The following ZFYVE1 variants were observed in gnomAD, a reference collection of about 807,000 sequenced individuals.
ZFYVE1 encodes the protein zinc finger FYVE domain-containing protein 1.
ZFYVE1 carries 30 observed loss-of-function variants against 74.4 expected under a neutral mutation model. The ratio of observed to expected loss-of-function variants is 0.40; its 90% CI spans 0.30 to 0.55. The LOEUF (loss-of-function observed/expected upper bound fraction) is 0.55, where lower values mean the gene tolerates loss of function less well. Among genes scored for constraint, ZFYVE1 ranks in the 20% least tolerant of loss-of-function variants. ZFYVE1 has a pLI of 0.42. For synonymous variants in ZFYVE1, 335 were observed against 385.1 expected (o/e 0.87, Z 1.52); for missense variants, 703 against 1,011.6 (o/e 0.69, Z 4.14).
intron 3 of ZFYVE1, among the ~76,000 whole-genome samples, chr14:72,996,874 G>A (rs1207736108): frequency 6.6e-6 from 1 of 152,144 alleles, no homozygotes; most frequent in East Asian, 1.9e-4. Context: ...AAACTTTGAT[G>A]ACCGAATGAA....
At chr14:73,008,029 G>T (rs1287026524) in intron 2 of ZFYVE1, among the ~76,000 whole-genome samples, 1 of 152,204 alleles carries the variant, frequency 6.6e-6, no homozygotes, top group African/African-American at 2.4e-5. Context: ...TCCCCAAAGT[G>T]TTCCATTACT....
chr14:73,003,234 T>C (rs1893912838), intron 2 of ZFYVE1, among the ~76,000 whole-genome samples: 1 of 151,894 alleles, frequency 6.6e-6, no homozygotes, highest in African/African-American at 2.4e-5. Flanking sequence ...TTTTTTGTAC[T>C]TTTAGTAGAG....
intron 2 of ZFYVE1, among the ~76,000 whole-genome samples, chr14:73,018,348 T>G (rs1404764291): frequency 2.7e-5 from 4 of 149,928 alleles, no homozygotes; most frequent in African/African-American, 9.9e-5. Flanking sequence ...GGAGAATCGC[T>G]TGAACCCGGG....
At chr14:73,026,806 C>T (rs866917297) in intron 1 of ZFYVE1, 120 bp downstream of exon 1, 1 of 242,946 alleles carries the variant, frequency 4.1e-6, no homozygotes, top group African/African-American at 2.3e-5. Context: ...CACCCCCACC[C>T]CCGCCGCACC....
intron 2 of ZFYVE1, among the ~76,000 whole-genome samples, chr14:73,003,700 A>G (rs950424177): frequency 1.3e-5 from 2 of 151,404 alleles, no homozygotes; most frequent in African/African-American, 4.8e-5. Flanking sequence ...ACAGAGCAAG[A>G]CTCTAACTGG....
At chr14:72,992,630 T>TCCCCCCC (rs1324391955) in intron 4 of ZFYVE1, among the ~76,000 whole-genome samples, 1 of 55,330 alleles carries the variant, frequency 1.8e-5, no homozygotes, top group African/African-American at 7.1e-5. Flanking sequence ...CCCCGCCCCT[T>TCCCCCCC]GCAAGAGAGA....
intron 2 of ZFYVE1, among the ~76,000 whole-genome samples, chr14:73,000,163 T>C (rs1893838633): frequency 1.3e-5 from 2 of 152,072 alleles, no homozygotes; most frequent in Admixed American, 1.3e-4. Flanking sequence ...AGCAACCCAA[T>C]TAAAAAGTAA....
chr14:73,007,875 C>T (rs1294614971), intron 2 of ZFYVE1, among the ~76,000 whole-genome samples: 2 of 152,224 alleles, frequency 1.3e-5, no homozygotes, highest in African/African-American at 2.4e-5. Flanking sequence ...TGTCTATCCA[C>T]GTACATGTTG....
chr14:72,997,828 G>A lies in ZFYVE1; in HGVS notation c.971C>T (p.Thr324Ile). ...TCTCTCACCAGAGCCCAGTAGCTGG[G>A]TGTGCACGGTCTCATGGAAGATGAT... ...AVIIFHETVH[T>I]QLLGSDHPSE... The change falls in exon 3 of 12, where the codon ACC (threonine) becomes ATC (isoleucine). Residue 324 changes from threonine to isoleucine, a missense_variant. Physicochemically the swap from Thr to Ile is moderately conservative, Grantham distance 89. Transcript: ENST00000556143. 1 of 1,595,874 alleles carries A rather than the reference G, an allele frequency of 6.3e-7. No individual in the cohort carries two copies. The highest frequency in any genetic ancestry group is 8.6e-7 in the Non-Finnish European group (1 of 1,165,966).
chr14:72,974,480 G>A (rs965820741), intron 10 of ZFYVE1, among the ~76,000 whole-genome samples: 4 of 152,188 alleles, frequency 2.6e-5, no homozygotes, highest in African/African-American at 9.7e-5. Flanking sequence ...CAAAGGAGAA[G>A]ACTGGTCTAA....
chr14:72,991,836 T>C (rs1202161665), intron 4 of ZFYVE1, among the ~76,000 whole-genome samples: 1 of 152,172 alleles, frequency 6.6e-6, no homozygotes, highest in Non-Finnish European at 1.5e-5. Flanking sequence ...ACATTTTTAC[T>C]ATATAACAAG....
At chr14:72,973,135 G>A (rs920300289) in intron 11 of ZFYVE1, among the ~76,000 whole-genome samples, 2 of 152,084 alleles carry the variant, frequency 1.3e-5, no homozygotes, top group Non-Finnish European at 2.9e-5. Flanking sequence ...AACCTGTGAC[G>A]GCAGCAGACT....
intron 2 of ZFYVE1, among the ~76,000 whole-genome samples, chr14:73,005,786 G>A (rs907454210): frequency 6.6e-6 from 1 of 152,226 alleles, no homozygotes; most frequent in African/African-American, 2.4e-5. Context: ...GTGCACAGCA[G>A]CAGCAGCTGG....
At chr14:73,002,554 C>T (rs1222904118) in intron 2 of ZFYVE1, among the ~76,000 whole-genome samples, 2 of 150,020 alleles carry the variant, frequency 1.3e-5, no homozygotes, top group Admixed American at 6.7e-5. Context: ...GTGATTCTCC[C>T]GCCTCAAACT....
At chr14:72,998,407 C>A in intron 2 of ZFYVE1, 92 bp from the exon 3 acceptor site, 1 of 1,238,094 alleles carries the variant, frequency 8.1e-7, no homozygotes, top group Non-Finnish European at 1.1e-6. Flanking sequence ...GGACAAGGAA[C>A]TTGATTGAAT....
Position 72,979,063 on chromosome 14 carries a change from G to A in ZFYVE1, c.1311-94C>T, listed in dbSNP as rs77916767. The A allele has an allele frequency of 2.9e-3, 3,054 of 1,069,340 alleles. 63 individuals carry two copies. In the African/African-American group the frequency reaches 0.043, roughly 15 times the overall value. The allele number at this position is 1,069,340 out of a possible 1,614,324, so 66.2% of individuals were successfully genotyped here. A position where few individuals can be genotyped will look rare whatever the true frequency, so the allele number is the denominator to read the frequency against. On this transcript the variant is annotated intron_variant, in intron 5 of 11. Transcript: ENST00000556143. Reference sequence around the variant, plus strand: ...GACCCTGAGCCAGGCACAAGGCCACGACCAGACCTTGATTACTAACTGGGC... The same window carrying A: ...GACCCTGAGCCAGGCACAAGGCCACAACCAGACCTTGATTACTAACTGGGC...
At chr14:73,004,159 T>C (rs1893931174) in intron 2 of ZFYVE1, among the ~76,000 whole-genome samples, 1 of 152,090 alleles carries the variant, frequency 6.6e-6, no homozygotes. Flanking sequence ...TCCAAGCTGC[T>C]AAGTCGGCCA....
At chr14:72,987,112 G>A (rs961337188) in intron 4 of ZFYVE1, 1 of 245,476 alleles carries the variant, frequency 4.1e-6, no homozygotes, top group African/African-American at 2.3e-5. Flanking sequence ...CAGTCATCAA[G>A]GGCTAGCAAT....
intron 2 of ZFYVE1, among the ~76,000 whole-genome samples, chr14:73,014,021 T>C (rs1594861864): frequency 6.6e-6 from 1 of 152,120 alleles, no homozygotes; most frequent in African/African-American, 2.4e-5. Context: ...ATATGTCTAT[T>C]ATGTTAATCC....
Sources: gnomAD v4.1 joint callset for allele counts (sites outside exome capture counted in the v4.1 genomes callset) on GRCh38, gnomAD v4.1.1 for gene constraint, MANE v1.5 for transcripts, NCBI Gene and HGNC (gene_info 2026-07-23, HGNC 2026-07-21) for gene names.